CEP112: variants seen among roughly 807,000 people sequenced by gnomAD.
The protein encoded by CEP112 is centrosomal protein 112, also known as centrosomal protein of 112 kDa.
Under a neutral mutation model 153.0 loss-of-function variants are expected in CEP112, and 127 were observed. The ratio of observed to expected loss-of-function variants is 0.83; its 90% CI spans 0.72 to 0.96. The LOEUF is 0.96. CEP112 is among the 40% of genes least tolerant of loss of function. The probability of loss-of-function intolerance (pLI) is 0.00; values close to 1 mark genes in which losing one functional copy is unlikely to be tolerated. For missense variants in CEP112, 1,089 were observed against 1,101.2 expected (o/e 0.99, Z 0.16); for synonymous variants, 358 against 374.4 (o/e 0.96, Z 0.51).
chr17:65,899,529 T>C (rs2059774212), intron 20 of CEP112, among the ~76,000 whole-genome samples: 1 of 152,108 alleles, frequency 6.6e-6, no homozygotes, highest in Admixed American at 6.6e-5. Context: ...TTATAAAACA[T>C]ATTCACCAAA....
Position 66,029,190 on chromosome 17 carries a change from A to C in CEP112, c.1436T>G (p.Leu479Arg). The C allele has an allele frequency of 1.2e-6, 2 of 1,611,346 alleles. No individual in the cohort carries two copies. The highest frequency in any genetic ancestry group is 2.2e-5 in the East Asian group (1 of 44,724). ...ATCAGCATCATATTTGGTTTGTAAC[A>C]GTTTCATGTTTTGCTCATAATCATT... ...LVNDYEQNMK[L>R]LQTKYDADIN... Residue 479 changes from leucine to arginine, a missense_variant, in exon 14 of 27, where the codon CTG becomes CGG. By Grantham distance (102) the Leu-to-Arg change is moderately radical (BLOSUM62 -2). Coordinates refer to ENST00000535342, the MANE Select transcript of CEP112 (RefSeq NM_001199165.4).
chr17:65,989,748 C>A (rs891365364), intron 17 of CEP112, among the ~76,000 whole-genome samples: 3 of 152,118 alleles, frequency 2.0e-5, no homozygotes, highest in Non-Finnish European at 4.4e-5. Context: ...CTGTGCTGTG[C>A]AATTCACTCA....
rs73994135 is a variant in CEP112, at chr17:66,035,534, G to A, written c.1219-5511C>T. Among the ~76,000 whole-genome samples the A allele has an allele frequency of 6.9e-3, 1,050 of 152,230 alleles. 13 individuals are homozygous for A. The highest frequency in any genetic ancestry group is 0.024 in the African/African-American group (976 of 41,514). On this transcript the variant is annotated intron_variant, in intron 12 of 26. Transcript: ENST00000535342. ...GTATAACCATTATGGAGAACAGTAT[G>A]GAGGCACCTCAAAAATTTAAAAATA...
At chr17:65,720,131 G>A (rs1262861419) in intron 23 of CEP112, among the ~76,000 whole-genome samples, 1 of 152,240 alleles carries the variant, frequency 6.6e-6, no homozygotes, top group Non-Finnish European at 1.5e-5. Context: ...ACACTGACAT[G>A]AACCGCATTT....
chr17:65,873,220 C>T (rs956554145), intron 20 of CEP112: 1 of 152,226 alleles, frequency 6.6e-6, no homozygotes, highest in Non-Finnish European at 1.5e-5. Flanking sequence ...ATCGGGCTCA[C>T]CTGCCTGACT....
At chr17:65,898,305 C>T (rs1253015676) in intron 20 of CEP112, among the ~76,000 whole-genome samples, 1 of 152,062 alleles carries the variant, frequency 6.6e-6, no homozygotes, top group South Asian at 2.1e-4. Context: ...AATGTTCAAG[C>T]CCCTGGATGC....
chr17:65,755,600 A>G (rs1175669506), intron 21 of CEP112, among the ~76,000 whole-genome samples: 1 of 152,038 alleles, frequency 6.6e-6, no homozygotes, highest in African/African-American at 2.4e-5. Context: ...ACTGCAAATA[A>G]TCTAGGATGG....
intron 23 of CEP112, among the ~76,000 whole-genome samples, chr17:65,722,176 G>C (rs1567916191): frequency 6.6e-6 from 1 of 152,138 alleles, no homozygotes; most frequent in African/African-American, 2.4e-5. Flanking sequence ...CCCTCAGGTG[G>C]GCTTAAGATT....
intron 20 of CEP112, among the ~76,000 whole-genome samples, chr17:65,853,819 A>G (rs918723143): frequency 6.6e-6 from 1 of 152,032 alleles, no homozygotes; most frequent in Admixed American, 6.6e-5. Context: ...TTCAGTGGTT[A>G]TTGTTTTGTC....
chr17:65,805,246 C>T (rs1027855074), intron 21 of CEP112, among the ~76,000 whole-genome samples: 1 of 152,082 alleles, frequency 6.6e-6, no homozygotes, highest in Non-Finnish European at 1.5e-5. Context: ...CTATGACTAC[C>T]GTAATACCTC....
At chr17:65,835,676 TA>T (rs2057280396) in intron 21 of CEP112, among the ~76,000 whole-genome samples, 2 of 152,208 alleles carry the variant, frequency 1.3e-5, no homozygotes, top group African/African-American at 4.8e-5. Context: ...AAGCTGGGGT[TA>T]TTCATCAACA....
At chr17:65,866,331 T>C (rs1006533588) in intron 20 of CEP112, among the ~76,000 whole-genome samples, 1 of 152,172 alleles carries the variant, frequency 6.6e-6, no homozygotes, top group Non-Finnish European at 1.5e-5. Context: ...CCTCCAGACT[T>C]TGGGCACCAA....
At chr17:66,150,511 G>A (rs938071397) in intron 4 of CEP112, among the ~76,000 whole-genome samples, 13 of 152,198 alleles carry the variant, frequency 8.5e-5, no homozygotes, top group African/African-American at 2.4e-4. Context: ...GATTATAGGC[G>A]TGAGCCATCG....
chr17:65,898,460 G>A (rs1232679225), intron 20 of CEP112, among the ~76,000 whole-genome samples: 2 of 152,030 alleles, frequency 1.3e-5, no homozygotes. Flanking sequence ...TTTTTTCTAA[G>A]TAGAAAAGAA....
Position 66,121,436 on chromosome 17 carries a change from G to T in CEP112, c.642+8310C>A, listed in dbSNP as rs371193572. On this transcript the variant is annotated intron_variant, in intron 6 of 26. Transcript: ENST00000535342. ...TTTTGCAGCCAATCATTCTTCAAACGTATTTTCTGCTCCTTTGTCTCCTCT... is the reference window on the plus strand; with the variant it reads ...TTTTGCAGCCAATCATTCTTCAAACTTATTTTCTGCTCCTTTGTCTCCTCT... Among the ~76,000 whole-genome samples, 221 of 152,226 alleles carry T rather than the reference G, an allele frequency of 1.5e-3. 6 individuals are homozygous for T. In the South Asian group the frequency reaches 0.043, roughly 30 times the overall value.
intron 4 of CEP112, among the ~76,000 whole-genome samples, chr17:66,133,029 A>G (rs2070265744): frequency 6.6e-6 from 1 of 151,786 alleles, no homozygotes; most frequent in African/African-American, 2.4e-5. Flanking sequence ...ACAGTGCGAG[A>G]CTCATCTCAA....
chr17:66,086,473 G>A (rs1048165599), intron 8 of CEP112, among the ~76,000 whole-genome samples: 4 of 138,294 alleles, frequency 2.9e-5, no homozygotes, highest in East Asian at 2.1e-4. Context: ...GCGTGATCTC[G>A]GCTCACTGCA....
intron 23 of CEP112, among the ~76,000 whole-genome samples, chr17:65,729,545 C>T (rs1030610259): frequency 1.3e-5 from 2 of 152,064 alleles, no homozygotes; most frequent in Admixed American, 1.3e-4. Context: ...CATTATACTG[C>T]CTTTGAACTA....
intron 21 of CEP112, among the ~76,000 whole-genome samples, chr17:65,794,813 C>T (rs1238651588): frequency 6.6e-6 from 1 of 152,212 alleles, no homozygotes; most frequent in Non-Finnish European, 1.5e-5. Flanking sequence ...CCACCACTGC[C>T]TTAGTCCAAA....
Sources: gnomAD v4.1 joint callset for allele counts (sites outside exome capture counted in the v4.1 genomes callset) on GRCh38, gnomAD v4.1.1 for gene constraint, MANE v1.5 for transcripts, NCBI Gene and HGNC (gene_info 2026-07-23, HGNC 2026-07-21) for gene names.